Variants in FGF7 observed in about 807,000 individuals in gnomAD.
The protein encoded by FGF7 is fibroblast growth factor 7, also known as FGF-7.
A neutral mutation model predicts 20.5 loss-of-function variants in FGF7; 6 were observed. The observed-to-expected ratio is 0.29, with a 90% confidence interval of 0.16 to 0.58. The LOEUF (loss-of-function observed/expected upper bound fraction) is 0.58. FGF7 is among the 20% of genes least tolerant of loss of function. The pLI is 0.90. For missense variants in FGF7, 144 were observed against 228.8 expected, an observed-to-expected ratio of 0.63 and a Z score of 2.39; for synonymous variants, 64 against 74.7, an observed-to-expected ratio of 0.86 and a Z score of 0.74.
intron 2 of FGF7, among the ~76,000 whole-genome samples, chr15:49,451,234 A>T (rs1307926215): frequency 6.6e-6 from 1 of 152,142 alleles, no homozygotes; most frequent in East Asian, 1.9e-4. Context: ...GAGCTTGCCA[A>T]TTTCTACAGA....
chr15:49,458,352 G>C (rs2053504915), intron 2 of FGF7, among the ~76,000 whole-genome samples: 1 of 152,000 alleles, frequency 6.6e-6, no homozygotes, highest in Non-Finnish European at 1.5e-5. Context: ...TTGGCTTTGA[G>C]TCATCTTTAA....
chr15:49,424,209 T>C lies in FGF7; in HGVS notation c.-89T>C, dbSNP rs575704696. 6.1e-6 allele frequency: 7 copies of C among 1,154,668 alleles called. No individual in the cohort carries two copies. In the East Asian group the frequency reaches 1.4e-4, roughly 23 times the overall value. 71.5% of individuals were successfully genotyped at this position (1,154,668 alleles called of 1,614,324 possible). A position where few individuals can be genotyped will look rare whatever the true frequency, so the allele number is the denominator to read the frequency against. ...CTTAAATCAATCTACAATTCACAGATAGGAAGAGGTCAATGACCTAGGAGT... is the reference window on the plus strand; with the variant it reads ...CTTAAATCAATCTACAATTCACAGACAGGAAGAGGTCAATGACCTAGGAGT... On this transcript the variant is annotated 5_prime_UTR_variant, in exon 2 of 4. Coordinates refer to ENST00000267843, the MANE Select transcript of FGF7 (RefSeq NM_002009.4).
At chr15:49,426,391 C>T (rs1313651038) in intron 2 of FGF7, among the ~76,000 whole-genome samples, 1 of 151,894 alleles carries the variant, frequency 6.6e-6, no homozygotes, top group Non-Finnish European at 1.5e-5. Context: ...GGTTACCAAA[C>T]CTTAACTGTG....
intron 2 of FGF7, chr15:49,434,725 C>T (rs901868939): frequency 6.6e-6 from 1 of 151,528 alleles, no homozygotes; most frequent in African/African-American, 2.4e-5. Context: ...CGAATGATTG[C>T]TATGTTTATT....
intron 2 of FGF7, among the ~76,000 whole-genome samples, chr15:49,446,482 G>A (rs1386486962): frequency 6.6e-6 from 1 of 151,552 alleles, no homozygotes; most frequent in African/African-American, 2.4e-5. Context: ...GACTGAAAGA[G>A]AATATTTCTG....
chr15:49,424,536 A>G lies in FGF7; in HGVS notation c.239A>G (p.Asp80Gly). ...FCRTQWYLRI[D>G]KRGKVKGTQE... ...CGAACACAGTGGTACCTGAGGATCG[A>G]TAAAAGAGGCAAAGTAAAAGGGACC... The change falls in exon 2 of 4, where the codon GAT becomes GGT. Residue 80 changes from aspartate (D) to glycine (G), a missense_variant. By Grantham distance (94) the Asp-to-Gly change is moderately conservative (BLOSUM62 -1). This residue lies in a region of FGF7 where 88 missense variants were observed against 103.4 expected (regional missense o/e 0.85). Coordinates refer to ENST00000267843, the MANE Select transcript of FGF7 (RefSeq NM_002009.4). 6.2e-7 allele frequency: 1 copy of G among 1,607,144 alleles called. No individual in the cohort carries two copies.
At chr15:49,457,553 T>C (rs2053423431) in intron 2 of FGF7, among the ~76,000 whole-genome samples, 1 of 151,972 alleles carries the variant, frequency 6.6e-6, no homozygotes, top group South Asian at 2.1e-4. Context: ...TCAAATTCCT[T>C]AGAGAACAGA....
In FGF7 at chr15:49,424,660, T is replaced by A; in HGVS notation, c.286+77T>A. 4 of 1,178,596 alleles carry A rather than the reference T, an allele frequency of 3.4e-6. No homozygotes were observed. The East Asian group carries it at 7.6e-5, about 22-fold the overall frequency. 73.0% of individuals were successfully genotyped at this position (1,178,596 alleles called of 1,614,324 possible). A position where few individuals can be genotyped will look rare whatever the true frequency, so the allele number is the denominator to read the frequency against. ...AATTTTCAGGTGATATGTTTTCTCATCTTCCTTTTGCTTCTTGGAAAAAAA... is the reference window on the plus strand; with the variant it reads ...AATTTTCAGGTGATATGTTTTCTCAACTTCCTTTTGCTTCTTGGAAAAAAA... On this transcript the variant is annotated intron_variant, in intron 2 of 3. Coordinates refer to ENST00000267843, the MANE Select transcript of FGF7 (RefSeq NM_002009.4).
intron 2 of FGF7, among the ~76,000 whole-genome samples, chr15:49,462,212 A>G (rs541525000): frequency 6.4e-4 from 97 of 152,330 alleles, no homozygotes; most frequent in Non-Finnish European, 1.2e-3. Context: ...TGGGATGAAA[A>G]AAAGATTGAT....
At chr15:49,442,154 CT>C (rs926552522) in intron 2 of FGF7, among the ~76,000 whole-genome samples, 1 of 151,406 alleles carries the variant, frequency 6.6e-6, no homozygotes, top group Non-Finnish European at 1.5e-5. Flanking sequence ...TCATTTGGCT[CT>C]TTTTTTTCTT....
chr15:49,448,552 A>T (rs868479253), intron 2 of FGF7, among the ~76,000 whole-genome samples: 10 of 151,790 alleles, frequency 6.6e-5, no homozygotes, highest in African/African-American at 2.4e-4. Flanking sequence ...AAAAATGATT[A>T]AAAATAAATA....
At chr15:49,482,860 AG>A (rs1428478167) in intron 2 of FGF7, among the ~76,000 whole-genome samples, 1 of 152,076 alleles carries the variant, frequency 6.6e-6, no homozygotes, top group Non-Finnish European at 1.5e-5. Flanking sequence ...ATAGTAAATT[AG>A]AAATTTAATT....
At chr15:49,473,220 T>G (rs1567345328) in intron 2 of FGF7, among the ~76,000 whole-genome samples, 1 of 152,040 alleles carries the variant, frequency 6.6e-6, no homozygotes, top group Non-Finnish European at 1.5e-5. Context: ...TTACTCACAG[T>G]TTAGTTAACT....
At chr15:49,443,195 C>T (rs2051837348) in intron 2 of FGF7, among the ~76,000 whole-genome samples, 1 of 151,532 alleles carries the variant, frequency 6.6e-6, no homozygotes, top group African/African-American at 2.4e-5. Flanking sequence ...CATTATTAAA[C>T]ATTTAATTAC....
At chr15:49,428,336 T>C (rs2050302308) in intron 2 of FGF7, among the ~76,000 whole-genome samples, 2 of 151,990 alleles carry the variant, frequency 1.3e-5, no homozygotes, top group Non-Finnish European at 2.9e-5. Context: ...AAGCATAAAA[T>C]GTCCCTCCAA....
At chr15:49,474,157 T>C (rs2055034441) in intron 2 of FGF7, among the ~76,000 whole-genome samples, 1 of 152,184 alleles carries the variant, frequency 6.6e-6, no homozygotes, top group South Asian at 2.1e-4. Flanking sequence ...ATGGTCTATA[T>C]CAAGGAAAAT....
intron 2 of FGF7, chr15:49,425,472 C>T (rs1351296205): frequency 6.6e-6 from 1 of 151,864 alleles, no homozygotes; most frequent in Non-Finnish European, 1.5e-5. Context: ...ATTTAAAATA[C>T]TTAGTAAAAA....
At chr15:49,482,457 T>G (rs990887601) in intron 2 of FGF7, among the ~76,000 whole-genome samples, 2 of 152,130 alleles carry the variant, frequency 1.3e-5, no homozygotes, top group African/African-American at 4.8e-5. Context: ...CAAAATACTA[T>G]CAGTTTAAAA....
At chr15:49,467,828 T>A (rs768829787) in intron 2 of FGF7, among the ~76,000 whole-genome samples, 1 of 152,120 alleles carries the variant, frequency 6.6e-6, no homozygotes, top group Non-Finnish European at 1.5e-5. Flanking sequence ...GGTGGGTCCC[T>A]TGCATTCCTG....
Sources: allele counts gnomAD v4.1 joint callset (sites outside exome capture counted in the v4.1 genomes callset), GRCh38; gene constraint gnomAD v4.1.1; regional missense constraint gnomAD v4.1.1; transcripts MANE v1.5; gene names NCBI Gene and HGNC (gene_info 2026-07-23, HGNC 2026-07-21).